Variants in AGBL1 observed in about 807,000 individuals in gnomAD.
AGBL1 encodes AGBL carboxypeptidase 1.
A neutral mutation model predicts 118.9 loss-of-function variants in AGBL1; 130 were observed. That is an observed-to-expected ratio of 1.09 (90% CI 0.95 to 1.26). The LOEUF (loss-of-function observed/expected upper bound fraction) is 1.26. AGBL1 is among the 50% of genes most tolerant of loss of function. The pLI is 0.00. For synonymous variants in AGBL1, 555 were observed against 478.9 expected (o/e 1.16, Z -2.08); for missense variants, 1,584 against 1,298.1 (o/e 1.22, Z -3.38).
intron 18 of AGBL1, among the ~76,000 whole-genome samples, chr15:86,434,032 G>A (rs913625311): frequency 1.8e-4 from 27 of 152,226 alleles, no homozygotes; most frequent in African/African-American, 6.5e-4. Context: ...AGCCAGTGGA[G>A]GAAATTACAG....
intron 17 of AGBL1, among the ~76,000 whole-genome samples, chr15:86,371,636 G>A (rs2080971738): frequency 6.6e-6 from 1 of 152,010 alleles, no homozygotes; most frequent in African/African-American, 2.4e-5. Context: ...CCTCACCCCG[G>A]CTGAGAATGT....
intron 22 of AGBL1, among the ~76,000 whole-genome samples, chr15:86,677,610 T>C (rs2085871935): frequency 6.6e-6 from 1 of 152,104 alleles, no homozygotes; most frequent in Non-Finnish European, 1.5e-5. Flanking sequence ...CCACCTCCAT[T>C]TGTCCCTCAC....
At chr15:86,365,812 C>T (rs1397454911) in intron 17 of AGBL1, among the ~76,000 whole-genome samples, 2 of 152,050 alleles carry the variant, frequency 1.3e-5, no homozygotes, top group Non-Finnish European at 2.9e-5. Flanking sequence ...TGATAAATAT[C>T]AAATCAAATG....
intron 22 of AGBL1, among the ~76,000 whole-genome samples, chr15:86,748,777 C>T (rs2077799526): frequency 6.6e-6 from 1 of 151,846 alleles, no homozygotes; most frequent in Admixed American, 6.6e-5. Context: ...ATCCTTTCCC[C>T]ATATCTTGTT....
intron 21 of AGBL1, among the ~76,000 whole-genome samples, chr15:86,642,831 C>T (rs2085215003): frequency 6.6e-6 from 1 of 151,918 alleles, no homozygotes; most frequent in Non-Finnish European, 1.5e-5. Context: ...GGGTAGCTAC[C>T]ATCTTTTTCT....
chr15:86,396,475 C>T (rs1349098248), intron 17 of AGBL1, among the ~76,000 whole-genome samples: 2 of 151,904 alleles, frequency 1.3e-5, no homozygotes, highest in Non-Finnish European at 2.9e-5. Flanking sequence ...TTCCTGACTC[C>T]CTTTGCAAAG....
At chr15:86,662,774 TTG>T (rs969297800) in intron 21 of AGBL1, among the ~76,000 whole-genome samples, 2 of 152,174 alleles carry the variant, frequency 1.3e-5, no homozygotes, top group Admixed American at 1.3e-4. Flanking sequence ...AGACCATAAT[TTG>T]TATACCCCTG....
chr15:86,245,148 A>T (rs1286613202), intron 6 of AGBL1, among the ~76,000 whole-genome samples: 1 of 152,230 alleles, frequency 6.6e-6, no homozygotes, highest in Non-Finnish European at 1.5e-5. Flanking sequence ...CTGACAATTT[A>T]GAATTTGACA....
intron 21 of AGBL1, among the ~76,000 whole-genome samples, chr15:86,666,883 G>T (rs1175785952): frequency 6.6e-6 from 1 of 152,124 alleles, no homozygotes; most frequent in Non-Finnish European, 1.5e-5. Context: ...GAAGCACTAG[G>T]ACTGTAACCC....
chr15:86,080,796 G>A (rs1414744794), intron 1 of AGBL1, among the ~76,000 whole-genome samples: 1 of 152,036 alleles, frequency 6.6e-6, no homozygotes, highest in African/African-American at 2.4e-5. Flanking sequence ...TAGATTTAAG[G>A]CTGAGAACCA....
At chr15:86,958,338 G>A (rs1049522265) in intron 23 of AGBL1, among the ~76,000 whole-genome samples, 1 of 152,054 alleles carries the variant, frequency 6.6e-6, no homozygotes, top group Non-Finnish European at 1.5e-5. Flanking sequence ...AATGTCTCCA[G>A]ACATTGCCAA....
chr15:86,628,265 G>C (rs993786137), intron 21 of AGBL1, among the ~76,000 whole-genome samples: 6 of 152,192 alleles, frequency 3.9e-5, no homozygotes, highest in African/African-American at 1.4e-4. Context: ...GGAGGCCACA[G>C]GTTCAGTGAT....
intron 22 of AGBL1, among the ~76,000 whole-genome samples, chr15:86,686,143 C>T (rs1026551135): frequency 2.6e-5 from 4 of 152,168 alleles, no homozygotes; most frequent in East Asian, 3.9e-4. Context: ...CAGCAAAGGA[C>T]ATGCAATGAT....
At chr15:86,823,012 A>G (rs1348341375) in intron 22 of AGBL1, among the ~76,000 whole-genome samples, 3 of 152,158 alleles carry the variant, frequency 2.0e-5, no homozygotes, top group East Asian at 3.9e-4. Flanking sequence ...GCCAAGATGG[A>G]GTTGCTTTAG....
In AGBL1 at chr15:86,615,734, A is replaced by G. The variant is rs2084711946; in HGVS notation, c.2995-58539A>G. ...AACTACTCAAAGCCACAGAGTTAGA[A>G]ATGTGAGTTTTATATTGTGGACAGA... On this transcript the variant is annotated intron_variant, in intron 21 of 22. Transcript: ENST00000614907. The surrounding 1 kb of genome is among the most constrained non-coding windows in gnomAD (Gnocchi z 4.3). 6.6e-6 allele frequency among the ~76,000 whole-genome samples: 1 copy of G among 152,194 alleles called. No homozygotes were observed. The highest frequency in any genetic ancestry group is 6.5e-5 in the Admixed American group (1 of 15,270).
At chr15:86,383,273 A>C (rs1424697829) in intron 17 of AGBL1, among the ~76,000 whole-genome samples, 2 of 150,096 alleles carry the variant, frequency 1.3e-5, no homozygotes, top group Non-Finnish European at 3.0e-5. Flanking sequence ...AAAAAAAAAA[A>C]AATCCTAATT....
chr15:86,375,117 G>T (rs1363572685), intron 17 of AGBL1, among the ~76,000 whole-genome samples: 2 of 152,174 alleles, frequency 1.3e-5, no homozygotes, highest in African/African-American at 4.8e-5. Flanking sequence ...CAGCCTATCT[G>T]ACCCCTGGTA....
intron 1 of AGBL1, among the ~76,000 whole-genome samples, chr15:86,093,762 C>A (rs1896180392): frequency 2.0e-5 from 3 of 152,104 alleles, no homozygotes; most frequent in Admixed American, 2.0e-4. Flanking sequence ...TGCTGAAGGG[C>A]AGGCAAGATA....
intron 22 of AGBL1, among the ~76,000 whole-genome samples, chr15:86,899,455 G>T (rs568363799): frequency 9.9e-5 from 15 of 152,220 alleles, no homozygotes; most frequent in African/African-American, 3.6e-4. Context: ...GCTGAGTGAT[G>T]AAATAATTTG....
Sources: gnomAD v4.1 joint callset for allele counts (sites outside exome capture counted in the v4.1 genomes callset) on GRCh38, gnomAD v4.1.1 for gene constraint, Gnocchi (gnomAD v3.1) non-coding constraint, MANE v1.5 for transcripts, NCBI Gene and HGNC (gene_info 2026-07-23, HGNC 2026-07-21) for gene names.